MAPK10: variants seen among roughly 807,000 people sequenced by gnomAD.
MAPK10 encodes the protein mitogen-activated protein kinase 10.
MAPK10 carries 25 observed loss-of-function variants against 59.3 expected under a neutral mutation model. The observed-to-expected ratio is 0.42, with a 90% confidence interval of 0.31 to 0.59. The LOEUF is 0.59. MAPK10 is among the 20% of genes least tolerant of loss of function. The pLI, the probability that MAPK10 is intolerant of heterozygous loss-of-function variation, is 0.15. For missense variants in MAPK10, 351 were observed against 568.9 expected, an observed-to-expected ratio of 0.62 and a Z score of 3.90; for synonymous variants, 190 against 200.5, an observed-to-expected ratio of 0.95 and a Z score of 0.44.
At chr4:86,444,568 T>G (rs1749790525) in intron 1 of MAPK10, among the ~76,000 whole-genome samples, 1 of 151,936 alleles carries the variant, frequency 6.6e-6, no homozygotes, top group African/African-American at 2.4e-5. Context: ...AATTGATAAA[T>G]GGGTTCTAAT....
intron 3 of MAPK10, among the ~76,000 whole-genome samples, chr4:86,184,963 A>G (rs2077824634): frequency 1.3e-5 from 2 of 152,192 alleles, no homozygotes; most frequent in Admixed American, 1.3e-4. Flanking sequence ...AGACGATTCC[A>G]ATGGTGTGCT....
chr4:86,077,296 CTT>C, intron 9 of MAPK10, among the ~76,000 whole-genome samples: 1 of 152,208 alleles, frequency 6.6e-6, no homozygotes. Flanking sequence ...TAGCTAATAA[CTT>C]ATATTTCAAG....
In MAPK10 at chr4:86,013,692, C is replaced by A. The variant is rs1471206118; in HGVS notation, c.*3536G>T. The A allele has an allele frequency of 1.3e-5, 2 of 151,926 alleles. No homozygotes were observed. The allele number at this position is 151,926 out of a possible 1,614,324, so 9.4% of individuals were successfully genotyped here. ...TACTAAGGCCAACTTTCAGTTTTACCAGTCAGCTGCTATCAGTGTCTTTAG... is the reference window on the plus strand; with the variant it reads ...TACTAAGGCCAACTTTCAGTTTTACAAGTCAGCTGCTATCAGTGTCTTTAG... On this transcript the variant is annotated 3_prime_UTR_variant, in exon 14 of 14. Transcript: ENST00000641462.
intron 3 of MAPK10, among the ~76,000 whole-genome samples, chr4:86,181,240 TAATC>T (rs1169297068): frequency 3.3e-5 from 5 of 151,980 alleles, no homozygotes; most frequent in African/African-American, 7.2e-5. Flanking sequence ...GTAAAATCAA[TAATC>T]AATCAGTCAA....
intron 1 of MAPK10, among the ~76,000 whole-genome samples, chr4:86,371,295 A>G (rs531779866): frequency 2.0e-5 from 3 of 152,268 alleles, no homozygotes; most frequent in South Asian, 4.1e-4. Context: ...ATTTACAGAC[A>G]TTTGCTCTAG....
intron 1 of MAPK10, among the ~76,000 whole-genome samples, chr4:86,355,884 A>G (rs1734203078): frequency 6.6e-6 from 1 of 152,210 alleles, no homozygotes. Flanking sequence ...GTATAAGAAG[A>G]GGACAATTGC....
chr4:86,480,450 C>A (rs1753516477), intron 1 of MAPK10, among the ~76,000 whole-genome samples: 1 of 152,122 alleles, frequency 6.6e-6, no homozygotes, highest in Non-Finnish European at 1.5e-5. Flanking sequence ...CCCACCTGCA[C>A]CCAGGTGATT....
chr4:86,452,909 A>T (rs1470122539), intron 1 of MAPK10: 1 of 152,026 alleles, frequency 6.6e-6, no homozygotes, highest in East Asian at 1.9e-4. Flanking sequence ...CCCAGGAGAC[A>T]CCCCAAATAC....
At chr4:86,474,840 T>TGGATTCTTCA (rs1308173219) in intron 1 of MAPK10, among the ~76,000 whole-genome samples, 1 of 152,192 alleles carries the variant, frequency 6.6e-6, no homozygotes, top group Non-Finnish European at 1.5e-5. Flanking sequence ...CCAGATGGCC[T>TGGATTCTTCA]GAAATAACTG....
chr4:86,570,274 T>C lies in MAPK10; in HGVS notation c.-263+23636A>G, dbSNP rs559861586. Among the ~76,000 whole-genome samples, 29 of 152,254 alleles carry C rather than the reference T, an allele frequency of 1.9e-4. No homozygotes were observed. In the Middle Eastern group the frequency reaches 0.01, roughly 54 times the overall value. ...TTTTGTAAGACTTGTGACCTAAGAA[T>C]GGTTTTTACAGATAAATAGGTACAG... On this transcript the variant is annotated intron_variant, in intron 1 of 4. Coordinates refer to the MAPK10 transcript ENST00000502302.
At chr4:86,447,085 C>A (rs1045631920) in intron 1 of MAPK10, among the ~76,000 whole-genome samples, 1 of 152,164 alleles carries the variant, frequency 6.6e-6, no homozygotes, top group African/African-American at 2.4e-5. Flanking sequence ...TATACTGATA[C>A]GGTTTGACTT....
intron 4 of MAPK10, among the ~76,000 whole-genome samples, chr4:86,111,272 G>C (rs2057433781): frequency 6.6e-6 from 1 of 152,082 alleles, no homozygotes; most frequent in Non-Finnish European, 1.5e-5. Context: ...TGTTTAATAG[G>C]CATGAAGAGA....
At chr4:86,145,939 C>T (rs1432850442) in intron 4 of MAPK10, among the ~76,000 whole-genome samples, 3 of 152,086 alleles carry the variant, frequency 2.0e-5, no homozygotes, top group African/African-American at 7.2e-5. Flanking sequence ...CTTTGCACCA[C>T]CAATTTCACA....
At chr4:86,294,506 AGAGAATTGCCCTC>A (rs2095307505) in intron 2 of MAPK10, among the ~76,000 whole-genome samples, 1 of 152,046 alleles carries the variant, frequency 6.6e-6, no homozygotes, top group Non-Finnish European at 1.5e-5. Context: ...TTAACAGCCC[AGAGAATTGCCCTC>A]CTACTGTGAA....
chr4:86,165,072 C>A (rs923173134), intron 3 of MAPK10, among the ~76,000 whole-genome samples: 5 of 152,124 alleles, frequency 3.3e-5, no homozygotes, highest in African/African-American at 1.2e-4. Context: ...AATAGGATAG[C>A]CAAGAAATAT....
At chr4:86,474,609 T>C (rs1478814780) in intron 1 of MAPK10, among the ~76,000 whole-genome samples, 1 of 152,210 alleles carries the variant, frequency 6.6e-6, no homozygotes, top group African/African-American at 2.4e-5. Flanking sequence ...ATTTTTTTCT[T>C]CATCATCATA....
chr4:86,222,545 G>T (rs1000209406), intron 2 of MAPK10, among the ~76,000 whole-genome samples: 2 of 152,206 alleles, frequency 1.3e-5, no homozygotes, highest in African/African-American at 4.8e-5. Flanking sequence ...ATCAGCTGAG[G>T]TCTCTGTTGC....
chr4:86,526,451 C>T (rs1246942248), intron 1 of MAPK10, among the ~76,000 whole-genome samples: 2 of 152,030 alleles, frequency 1.3e-5, no homozygotes, highest in Non-Finnish European at 2.9e-5. Flanking sequence ...CTTATTTGAA[C>T]CTTCTCTTTT....
intron 4 of MAPK10, among the ~76,000 whole-genome samples, chr4:86,151,055 A>G (rs1352762411): frequency 6.6e-6 from 1 of 152,156 alleles, no homozygotes; most frequent in East Asian, 1.9e-4. Context: ...GGGGAGAAGA[A>G]GCATCAGTCA....
Sources: allele counts gnomAD v4.1 joint callset (sites outside exome capture counted in the v4.1 genomes callset), GRCh38; gene constraint gnomAD v4.1.1; transcripts MANE v1.5; gene names NCBI Gene and HGNC (gene_info 2026-07-23, HGNC 2026-07-21).